The following MX2 variants were observed in gnomAD, a reference collection of about 807,000 sequenced individuals.
MX2 encodes the protein MX dynamin like GTPase 2.
A neutral mutation model predicts 74.0 loss-of-function variants in MX2; 51 were observed. That is an observed-to-expected ratio of 0.69 (90% CI 0.55 to 0.87). The LOEUF is 0.87. MX2 is among the 40% of genes least tolerant of loss of function. The pLI, the probability that MX2 is intolerant of heterozygous loss-of-function variation, is 0.00. For synonymous variants in MX2, 369 were observed against 339.3 expected, an observed-to-expected ratio of 1.09 and a Z score of -0.96; for missense variants, 832 against 908.7, an observed-to-expected ratio of 0.92 and a Z score of 1.09.
chr21:41,385,302 T>C (rs1601410848), intron 5 of MX2, among the ~76,000 whole-genome samples: 2 of 152,340 alleles, frequency 1.3e-5, no homozygotes, highest in Middle Eastern at 6.8e-3. Context: ...TTTGGCTGTG[T>C]CCCCACCCAA....
rs1282845804 is a variant in MX2 at position 41,380,418 on chromosome 21, C to T, written c.577+267C>T. 1.3e-5 allele frequency among the ~76,000 whole-genome samples: 2 copies of T among 152,166 alleles called. No homozygotes were observed. The highest frequency in any genetic ancestry group is 1.5e-5 in the Non-Finnish European group (1 of 68,020). On this transcript the variant is annotated intron_variant, in intron 4 of 13. Transcript: ENST00000330714. The surrounding 1 kb of genome is among the most constrained non-coding windows in gnomAD (Gnocchi z 4.3). Reference sequence around the variant, plus strand: ...GCCCACGTGGCTGGCCTTACCTGTCCTCTCCCGCTCCCCGCCAGCCCAGGC... The same window carrying T: ...GCCCACGTGGCTGGCCTTACCTGTCTTCTCCCGCTCCCCGCCAGCCCAGGC...
In MX2 at chr21:41,383,757, A is replaced by G. The variant is rs567283657; in HGVS notation, c.732+1193A>G. On this transcript the variant is annotated intron_variant, in intron 5 of 13. Coordinates refer to ENST00000330714, the MANE Select transcript of MX2 (RefSeq NM_002463.2). Reference sequence around the variant, plus strand: ...GGTTAGTGATCTTCCTCAACATCCAAATCGCCATTCTCTGTCTCTCTAAGA... The same window carrying G: ...GGTTAGTGATCTTCCTCAACATCCAGATCGCCATTCTCTGTCTCTCTAAGA... Among the ~76,000 whole-genome samples, 3 of 152,240 alleles carry G rather than the reference A, an allele frequency of 2.0e-5. No homozygotes were observed. The South Asian group carries it at 6.2e-4, about 32-fold the overall frequency.
intron 2 of MX2, among the ~76,000 whole-genome samples, 200 bp downstream of exon 2, chr21:41,377,355 G>C (rs2089420086): frequency 6.6e-6 from 1 of 152,196 alleles, no homozygotes; most frequent in Admixed American, 6.5e-5. Flanking sequence ...CTGCGACGTG[G>C]GTCTGGGGCT....
Position 41,406,981 on chromosome 21 carries a change from C to A in MX2, c.1888C>A (p.Leu630Met). Reference sequence around the variant, plus strand: ...CTCCTTTACTGAAATAGGCATCCACCTGAATGCCTACTTCTTGGTGAGTTC... The same window carrying A: ...CTCCTTTACTGAAATAGGCATCCACATGAATGCCTACTTCTTGGTGAGTTC... ...VSSFTEIGIHLNAYFLETSKR... is the reference protein window; with the variant it reads ...VSSFTEIGIHMNAYFLETSKR... The change falls in exon 13 of 14, where the codon CTG becomes ATG. Residue 630 changes from leucine (L) to methionine (M), a missense_variant. Leu to Met is a conservative substitution (Grantham distance 15). Transcript: ENST00000330714. The A allele has an allele frequency of 2.5e-6, 4 of 1,612,296 alleles. No individual in the cohort carries two copies. Among genetic ancestry groups the A allele is most frequent in the Non-Finnish European group, 3.4e-6 (4 of 1,178,410 alleles).
At chr21:41,375,932 C>G (rs1211893809) in intron 1 of MX2, among the ~76,000 whole-genome samples, 1 of 152,188 alleles carries the variant, frequency 6.6e-6, no homozygotes. Context: ...CATTGGCCCT[C>G]CCGGATGTCA....
At chr21:41,377,294 T>C (rs2145879548) in intron 2 of MX2, 139 bp downstream of exon 2, 1 of 1,261,350 alleles carries the variant, frequency 7.9e-7, no homozygotes. Flanking sequence ...CTCCTGGTCA[T>C]GCCCAACAAG....
Position 41,402,017 on chromosome 21 carries a change from C to T in MX2, c.1462C>T (p.Arg488Ter), listed in dbSNP as rs1192978965. 4.3e-6 allele frequency: 7 copies of T among 1,613,912 alleles called. No homozygotes were observed. The highest frequency in any genetic ancestry group is 4.5e-5 in the East Asian group (2 of 44,886). The change falls in exon 11 of 14, where the codon CGA becomes TGA. Residue 488 changes from arginine to a stop codon, truncating the protein, a stop_gained. Transcript: ENST00000330714. LOFTEE classifies it high-confidence loss of function. The surrounding 1 kb of genome is among the most constrained non-coding windows in gnomAD (Gnocchi z 4.5). Reference sequence around the variant, plus strand: ...AGTTGAAAAATATGAAAAGCAGTATCGAGGCAAGGAGCTTCTGGGATTTGT... The same window carrying T: ...AGTTGAAAAATATGAAAAGCAGTATTGAGGCAAGGAGCTTCTGGGATTTGT... ...EEVEKYEKQY[R>*]GKELLGFVNY...
rs557542609 is a variant in MX2 at position 41,380,189 on chromosome 21, C to T, written c.577+38C>T. On this transcript the variant is annotated intron_variant, in intron 4 of 13. Transcript: ENST00000330714. The surrounding 1 kb of genome is among the most constrained non-coding windows in gnomAD (Gnocchi z 4.3). ...CATTCTGAGGTTCGGATCTGGCAGCCGCTCCTCTCACTTCCTCGGTTCCTT... is the reference window on the plus strand; with the variant it reads ...CATTCTGAGGTTCGGATCTGGCAGCTGCTCCTCTCACTTCCTCGGTTCCTT... 49 of 1,612,130 alleles carry T rather than the reference C, an allele frequency of 3.0e-5. No homozygotes were observed. Among genetic ancestry groups the T allele is most frequent in the East Asian group, 1.3e-4 (6 of 44,860 alleles).
chr21:41,373,749 A>G (rs1224937373), intron 1 of MX2: 1 of 151,618 alleles, frequency 6.6e-6, no homozygotes, highest in East Asian at 1.9e-4. Flanking sequence ...TCAAAGACAG[A>G]AAGAGAGCTA....
chr21:41,393,962 A>G (rs562817113), intron 6 of MX2, among the ~76,000 whole-genome samples: 6 of 152,246 alleles, frequency 3.9e-5, no homozygotes, highest in African/African-American at 7.2e-5. Flanking sequence ...AGTCTAATGT[A>G]TCTGAAGTCC....
chr21:41,395,511 C>A, intron 6 of MX2, 76 bp from the exon 7 acceptor site: 1 of 1,416,476 alleles, frequency 7.1e-7, no homozygotes, highest in South Asian at 1.2e-5. Context: ...AAAAAGGAGC[C>A]CATAGTCCAG....
At chr21:41,403,079 C>G (rs911029952) in intron 11 of MX2, 188 bp from the exon 12 acceptor site, 2 of 561,702 alleles carry the variant, frequency 3.6e-6, no homozygotes, top group South Asian at 4.0e-5. Flanking sequence ...TGCATGAGGG[C>G]TGGATTGTGT....
chr21:41,407,492 T>C (rs1185667433), intron 13 of MX2, among the ~76,000 whole-genome samples: 1 of 152,158 alleles, frequency 6.6e-6, no homozygotes. Context: ...AATATGCAAG[T>C]ATCACTGTTC....
chr21:41,377,361 G>C (rs1032054624), intron 2 of MX2, among the ~76,000 whole-genome samples: 33 of 152,176 alleles, frequency 2.2e-4, no homozygotes, highest in Non-Finnish European at 5.9e-5. Flanking sequence ...CGTGGGTCTG[G>C]GGCTTCTGTG....
At chr21:41,407,898 A>G (rs1342370075) in intron 13 of MX2, 93 bp from the exon 14 acceptor site, 2 of 1,529,872 alleles carry the variant, frequency 1.3e-6, no homozygotes, top group East Asian at 2.3e-5. Flanking sequence ...CCAGGCAACC[A>G]TGTGCGCATC....
chr21:41,379,353 G>A (rs558483411), intron 3 of MX2, among the ~76,000 whole-genome samples: 20 of 152,300 alleles, frequency 1.3e-4, no homozygotes, highest in East Asian at 5.8e-4. Context: ...CGGCAGGAGC[G>A]TGAGGGCCCC....
At chr21:41,374,967 T>C (rs545839983) in intron 1 of MX2, among the ~76,000 whole-genome samples, 2 of 152,306 alleles carry the variant, frequency 1.3e-5, no homozygotes, top group South Asian at 4.1e-4. Context: ...GCCCACATCT[T>C]GCAAGCCTTT....
At chr21:41,374,284 C>G (rs2077403080) in intron 1 of MX2, among the ~76,000 whole-genome samples, 1 of 152,236 alleles carries the variant, frequency 6.6e-6, no homozygotes, top group Non-Finnish European at 1.5e-5. Flanking sequence ...ACCCTACTTT[C>G]TAATTCTTTA....
In MX2 at chr21:41,388,728, G is replaced by A. The variant is rs1336191713; in HGVS notation, c.733-1837G>A. 6.6e-6 allele frequency among the ~76,000 whole-genome samples: 1 copy of A among 152,192 alleles called. No homozygotes were observed. Among genetic ancestry groups the A allele is most frequent in the East Asian group, 1.9e-4 (1 of 5,196 alleles). On this transcript the variant is annotated intron_variant, in intron 5 of 13. Coordinates refer to ENST00000330714, the MANE Select transcript of MX2 (RefSeq NM_002463.2). The surrounding 1 kb of genome is among the most constrained non-coding windows in gnomAD (Gnocchi z 4.0). ...CTCTCCAGGCAAACTGTTCCGGGGA[G>A]CATTTTCACTCTCTGATATCCTACA...
Sources: allele counts gnomAD v4.1 joint callset (sites outside exome capture counted in the v4.1 genomes callset), GRCh38; gene constraint gnomAD v4.1.1; non-coding constraint Gnocchi (gnomAD v3.1); transcripts MANE v1.5; gene names NCBI Gene and HGNC (gene_info 2026-07-23, HGNC 2026-07-21).